Variants in UGT3A1 observed in about 807,000 individuals in gnomAD.
UGT3A1 encodes UDP-glycosyltransferase 3A1.
UGT3A1 carries 40 observed loss-of-function variants against 37.6 expected under a neutral mutation model. The observed-to-expected ratio is 1.06, with a 90% CI of 0.83 to 1.38. The LOEUF (loss-of-function observed/expected upper bound fraction) is 1.38, where lower values mean the gene tolerates loss of function less well. Among genes scored for constraint, UGT3A1 ranks in the 40% most tolerant of loss-of-function variants. The pLI, the probability that UGT3A1 is intolerant of heterozygous loss-of-function variation, is 0.00. For missense variants in UGT3A1, 642 were observed against 634.2 expected (o/e 1.01, Z -0.13); for synonymous variants, 256 against 232.3 (o/e 1.10, Z -0.93).
chr5:35,986,403 C>A (rs1004815181), intron 2 of UGT3A1, among the ~76,000 whole-genome samples: 1 of 151,808 alleles, frequency 6.6e-6, no homozygotes, highest in South Asian at 2.1e-4. Context: ...TTACAATAAC[C>A]AAAGTAAAGC....
At chr5:35,984,509 A>G (rs936213370) in intron 2 of UGT3A1, among the ~76,000 whole-genome samples, 1 of 136,630 alleles carries the variant, frequency 7.3e-6, no homozygotes, top group African/African-American at 2.8e-5. Flanking sequence ...ATCTTGCTCT[A>G]TCACCCAGGC....
At chr5:35,984,427 C>T (rs1354896656) in intron 2 of UGT3A1, among the ~76,000 whole-genome samples, 1 of 150,888 alleles carries the variant, frequency 6.6e-6, no homozygotes, top group Non-Finnish European at 1.5e-5. Flanking sequence ...TCTTTCTGAG[C>T]TTGTTTCCTT....
chr5:35,975,410 A>G (rs372030532), intron 2 of UGT3A1, among the ~76,000 whole-genome samples: 18 of 152,308 alleles, frequency 1.2e-4, no homozygotes, highest in African/African-American at 4.3e-4. Context: ...ATAGAGCTTT[A>G]TTCTTACTCA....
chr5:35,965,824 C>T lies in UGT3A1; in HGVS notation c.405G>A (p.Lys135=). 6.2e-7 allele frequency: 1 copy of T among 1,614,110 alleles called. No individual in the cohort carries two copies. Residue 135 remains lysine, a synonymous_variant, in exon 4 of 7, where the codon AAG becomes AAA. Transcript: ENST00000274278. ...CAAATACCAGATCATAGTTCTCATTCTTTAAGGAATCCATTATATCCTTTC... is the reference window on the plus strand; with the variant it reads ...CAAATACCAGATCATAGTTCTCATTTTTTAAGGAATCCATTATATCCTTTC... ...LSRKDIMDSL[K]NENYDLVFVE...
chr5:35,986,125 C>A (rs1030696301), intron 2 of UGT3A1, among the ~76,000 whole-genome samples: 2 of 152,070 alleles, frequency 1.3e-5, no homozygotes, highest in African/African-American at 4.8e-5. Context: ...AAATCAAAAT[C>A]ACAATGTGAT....
intron 2 of UGT3A1, among the ~76,000 whole-genome samples, chr5:35,979,172 T>TG (rs1193470673): frequency 2.6e-5 from 4 of 151,870 alleles, no homozygotes; most frequent in African/African-American, 9.7e-5. Context: ...AGACATGCCC[T>TG]GGAGACATTT....
chr5:35,989,134 A>T (rs1310565595), intron 1 of UGT3A1, among the ~76,000 whole-genome samples: 1 of 152,224 alleles, frequency 6.6e-6, no homozygotes, highest in Non-Finnish European at 1.5e-5. Context: ...ATTAAAATGT[A>T]TTTGGCAGGA....
At chr5:35,977,048 GAA>G (rs1213176830) in intron 2 of UGT3A1, among the ~76,000 whole-genome samples, 1 of 146,410 alleles carries the variant, frequency 6.8e-6, no homozygotes, top group Admixed American at 7.0e-5. Flanking sequence ...GAGAAAGGGA[GAA>G]AGAGAAGAGA....
At chr5:35,999,487 G>A (rs996834270) in intron 1 of UGT3A1, among the ~76,000 whole-genome samples, 1 of 152,092 alleles carries the variant, frequency 6.6e-6, no homozygotes, top group Non-Finnish European at 1.5e-5. Flanking sequence ...TCCATCAAAG[G>A]AGAAATCCAC....
At chr5:35,958,747 C>T (rs2149951794) in intron 4 of UGT3A1, among the ~76,000 whole-genome samples, 1 of 152,350 alleles carries the variant, frequency 6.6e-6, no homozygotes, top group Middle Eastern at 3.4e-3. Context: ...CCTGGAGTGG[C>T]AGACCACAGT....
Position 35,951,659 on chromosome 5 carries a change from ATCT to A in UGT3A1, c.*2540_*2542del, listed in dbSNP as rs1253667026. 6.6e-6 allele frequency: 1 copy of A among 152,180 alleles called. No individual in the cohort carries two copies. The highest frequency in any genetic ancestry group is 2.4e-5 in the African/African-American group (1 of 41,456). The allele number at this position is 152,180 out of a possible 1,614,324, so 9.4% of individuals were successfully genotyped here. On this transcript the variant is annotated 3_prime_UTR_variant, in exon 7 of 7. Coordinates refer to ENST00000274278, the MANE Select transcript of UGT3A1 (RefSeq NM_152404.4). ...TCCAACTTTTTAATTTGGATCGCTA[ATCT>A]TCTTACCATGATTTTTGCCATGCCA... is the stretch of plus-strand genomic sequence containing the variant.
chr5:35,991,042 T>G (rs770409367), intron 1 of UGT3A1, 105 bp downstream of exon 1: 3 of 1,608,824 alleles, frequency 1.9e-6, no homozygotes, highest in Non-Finnish European at 2.6e-6. Flanking sequence ...AAGCCCAGCC[T>G]GGAAAATCGC....
In UGT3A1 at chr5:35,954,378, C is replaced by T; in HGVS notation, c.1396G>A (p.Gly466Arg). Residue 466 changes from glycine to arginine, a missense_variant, in exon 7 of 7, where the codon GGG (glycine) becomes AGG (arginine). Coordinates refer to ENST00000274278, the MANE Select transcript of UGT3A1 (RefSeq NM_152404.4). ...TAGGGCTTGAGGTGCGTCGCTCCCC[C>T]AGTCTGGAGGATGTGGTCGATCCAG... ...VGWIDHILQTGGATHLKPYAF... is the reference protein window; with the variant it reads ...VGWIDHILQTRGATHLKPYAF... The T allele has an allele frequency of 1.2e-6, 2 of 1,614,234 alleles. No homozygotes were observed. The highest frequency in any genetic ancestry group is 1.7e-6 in the Non-Finnish European group (2 of 1,180,044).
At chr5:35,958,504 TA>T (rs1561455258) in intron 4 of UGT3A1, among the ~76,000 whole-genome samples, 1 of 152,142 alleles carries the variant, frequency 6.6e-6, no homozygotes, top group Non-Finnish European at 1.5e-5. Context: ...GTTGTTCTTG[TA>T]ATTATAAAAT....
rs76749089 is a variant in UGT3A1 at position 35,980,617 on chromosome 5, C to T, written c.196+7833G>A. The stretch of plus-strand genomic sequence containing the variant: ...TCATACAAGGCCTCTCTCCAAATCC[C>T]TACTCATCTTTGATTCAACTCTTGA... On this transcript the variant is annotated intron_variant, in intron 2 of 6. Transcript: ENST00000274278. Among the ~76,000 whole-genome samples, 869 of 152,264 alleles carry T rather than the reference C, an allele frequency of 5.7e-3. 25 individuals are homozygous for T. In the East Asian group the frequency reaches 0.069, roughly 12 times the overall value.
At chr5:35,998,099 C>T (rs970856257) in intron 1 of UGT3A1, among the ~76,000 whole-genome samples, 1 of 152,198 alleles carries the variant, frequency 6.6e-6, no homozygotes, top group Non-Finnish European at 1.5e-5. Context: ...AAATGAACAA[C>T]CTGATCCCAT....
chr5:35,980,097 A>G (rs1740459199), intron 2 of UGT3A1, among the ~76,000 whole-genome samples: 1 of 152,244 alleles, frequency 6.6e-6, no homozygotes, highest in African/African-American at 2.4e-5. Context: ...GACTGTGCCC[A>G]GCTTCAAATT....
At chr5:35,980,855 A>G (rs1740494282) in intron 2 of UGT3A1, among the ~76,000 whole-genome samples, 1 of 152,228 alleles carries the variant, frequency 6.6e-6, no homozygotes, top group South Asian at 2.1e-4. Flanking sequence ...TTCACTCCTC[A>G]GGGCTATGGT....
At position 35,953,988 on chromosome 5, in the gene UGT3A1, A is replaced by G; in HGVS notation, c.*214T>C. 1 of 537,876 alleles carries G rather than the reference A, an allele frequency of 1.9e-6. No homozygotes were observed. Among genetic ancestry groups the G allele is most frequent in the Non-Finnish European group, 3.3e-6 (1 of 307,266 alleles). The allele number at this position is 537,876 out of a possible 1,614,324, so 33.3% of individuals were successfully genotyped here. ...GCAGGGCTGGCAGGTGAAAATTTGTATCTGAGCTGGGGTTTCAAGTCACAA... is the reference window on the plus strand; with the variant it reads ...GCAGGGCTGGCAGGTGAAAATTTGTGTCTGAGCTGGGGTTTCAAGTCACAA... On this transcript the variant is annotated 3_prime_UTR_variant, in exon 7 of 7. Coordinates refer to ENST00000274278, the MANE Select transcript of UGT3A1 (RefSeq NM_152404.4).
Sources: gnomAD v4.1 joint callset for allele counts (sites outside exome capture counted in the v4.1 genomes callset) on GRCh38, gnomAD v4.1.1 for gene constraint, MANE v1.5 for transcripts, NCBI Gene and HGNC (gene_info 2026-07-23, HGNC 2026-07-21) for gene names.